AVEN: variants seen among roughly 807,000 people sequenced by gnomAD.
AVEN encodes the protein cell death regulator Aven.
AVEN carries 41 observed loss-of-function variants against 38.1 expected under a neutral mutation model. The observed-to-expected ratio is 1.08, with a 90% CI of 0.84 to 1.40. The LOEUF (loss-of-function observed/expected upper bound fraction) is 1.40. Among genes scored for constraint, AVEN ranks in the 40% most tolerant of loss-of-function variants. The pLI, the probability that AVEN is intolerant of heterozygous loss-of-function variation, is 0.00. For synonymous variants in AVEN, 206 were observed against 171.8 expected (o/e 1.20, Z -1.56); for missense variants, 605 against 438.8 (o/e 1.38, Z -3.38).
chr15:33,866,489 G>C lies in AVEN; in HGVS notation c.*124C>G. On this transcript the variant is annotated 3_prime_UTR_variant, in exon 6 of 6. Transcript: ENST00000306730. ...CACAGAGGTAGGCATTTACTGCTGT[G>C]AGCATAATGGAACACACTAGCTTGA... 1.5e-6 allele frequency: 1 copy of C among 663,044 alleles called. No homozygotes were observed. The highest frequency in any genetic ancestry group is 2.7e-6 in the Non-Finnish European group (1 of 376,552). The allele number at this position is 663,044 out of a possible 1,614,324, so 41.1% of individuals were successfully genotyped here.
chr15:33,998,367 A>T (rs67436900), intron 2 of AVEN, among the ~76,000 whole-genome samples: 31,820 of 152,102 alleles, frequency 0.21, 5,135 homozygotes, highest in African/African-American at 0.45. Flanking sequence ...GGCTGACATC[A>T]GTAATCCCAG....
intron 2 of AVEN, among the ~76,000 whole-genome samples, chr15:33,893,856 C>T (rs1002088612): frequency 6.6e-6 from 1 of 151,976 alleles, no homozygotes; most frequent in African/African-American, 2.4e-5. Context: ...AGAGTGTGGT[C>T]ACGGTGTTCC....
chr15:34,043,059 A>G (rs1050687950), upstream of AVEN, among the ~76,000 whole-genome samples: 9 of 152,036 alleles, frequency 5.9e-5, no homozygotes, highest in Admixed American at 1.3e-4. Flanking sequence ...CATCCTGGCT[A>G]ACACAGTGAA....
downstream of AVEN, among the ~76,000 whole-genome samples, chr15:33,854,049 A>G (rs1448135440): frequency 6.6e-6 from 1 of 152,092 alleles, no homozygotes; most frequent in Admixed American, 6.6e-5. Context: ...TTTAAAAAGT[A>G]GCTAGGCGTG....
downstream of AVEN, chr15:33,864,869 G>A: frequency 1.2e-5 from 5 of 427,240 alleles, no homozygotes; most frequent in Non-Finnish European, 2.1e-5. Flanking sequence ...ATGTTTAGTG[G>A]CAAACATTGA....
intron 2 of AVEN, among the ~76,000 whole-genome samples, chr15:33,961,667 G>C (rs978004460): frequency 1.3e-5 from 2 of 151,580 alleles, no homozygotes; most frequent in Non-Finnish European, 2.9e-5. Context: ...CAAAAAATTA[G>C]CCGGGCGTGG....
intron 2 of AVEN, among the ~76,000 whole-genome samples, chr15:33,961,709 A>C (rs1477882319): frequency 2.1e-5 from 3 of 142,954 alleles, no homozygotes; most frequent in Non-Finnish European, 4.5e-5. Context: ...GCTACTCGGG[A>C]GGCTGAGGCA....
chr15:33,956,991 T>C (rs1222377049), intron 2 of AVEN, among the ~76,000 whole-genome samples: 3 of 152,232 alleles, frequency 2.0e-5, no homozygotes, highest in Non-Finnish European at 4.4e-5. Context: ...GTCTGATATT[T>C]AGAATTTCTG....
At chr15:33,855,639 GATATCTGCATCCAATTAAGAGC>G, downstream of AVEN, among the ~76,000 whole-genome samples, 1 of 16,414 alleles carries the variant, frequency 6.1e-5, no homozygotes, top group South Asian at 3.8e-3. Context: ...CAATATTTCT[GATATCTGCATCCAATTAAGAGC>G]CAATGATTTC....
intron 2 of AVEN, among the ~76,000 whole-genome samples, chr15:33,911,373 T>A (rs933198041): frequency 6.6e-6 from 1 of 152,196 alleles, no homozygotes; most frequent in Non-Finnish European, 1.5e-5. Flanking sequence ...TTCTCATCTG[T>A]GTTTAGCTTT....
At chr15:33,860,692 A>T in intron 11 of AVEN, 1 of 1,422,446 alleles carries the variant, frequency 7.0e-7, no homozygotes, top group South Asian at 1.2e-5. Context: ...TCCCAGCTCT[A>T]TTTTAATATC....
chr15:33,892,259 T>C (rs1406658692), intron 2 of AVEN, among the ~76,000 whole-genome samples: 1 of 152,266 alleles, frequency 6.6e-6, no homozygotes, highest in Non-Finnish European at 1.5e-5. Context: ...TTTTGGCTTT[T>C]GTTGCCATTG....
chr15:34,067,356 T>C (rs1357226125), intron 2 of AVEN: 2 of 152,202 alleles, frequency 1.3e-5, no homozygotes, highest in Non-Finnish European at 2.9e-5. Flanking sequence ...GAATCTCCAG[T>C]TGTCTACTGT....
intron 2 of AVEN, among the ~76,000 whole-genome samples, chr15:33,927,030 G>A (rs987920108): frequency 1.3e-5 from 2 of 152,002 alleles, no homozygotes; most frequent in African/African-American, 2.4e-5. Flanking sequence ...TGAGACAGGC[G>A]GATCACAAGG....
At position 34,063,481 on chromosome 15, in the gene AVEN, G is replaced by T. The variant is rs376737817; in HGVS notation, n.1127-49C>A. 21 of 1,613,638 alleles carry T rather than the reference G, an allele frequency of 1.3e-5. No individual in the cohort carries two copies. The Middle Eastern group carries it at 6.6e-4, about 51-fold the overall frequency. Reference sequence around the variant, plus strand: ...AGGGCTCTGTTCAGATCCTGCTTGCGCTGTCCTCGACCCACCCTGGCCCAG... The same window carrying T: ...AGGGCTCTGTTCAGATCCTGCTTGCTCTGTCCTCGACCCACCCTGGCCCAG... On this transcript the variant is annotated intron_variant and non_coding_transcript_variant, in intron 4 of 11. Coordinates refer to the AVEN transcript ENST00000675287. This position sits in a 1 kb window ranked among gnomAD's most constrained non-coding sequence, Gnocchi z 4.1.
Position 33,868,359 on chromosome 15 carries a change from T to TAAACAAAC in AVEN, c.613-512_613-505dup, listed in dbSNP as rs113504638. On this transcript the variant is annotated intron_variant, in intron 4 of 5. Coordinates refer to ENST00000306730, the MANE Select transcript of AVEN (RefSeq NM_020371.3). ...TAACATGGTGAAACCCTGTCTCTAC[T>TAAACAAAC]AAACAAACAAACAAACAAACAAACA... Among the ~76,000 whole-genome samples, 3,205 of 150,976 alleles carry TAAACAAAC rather than the reference T, an allele frequency of 0.021. 197 individuals carry two copies. In the East Asian group the frequency reaches 0.26, roughly 12 times the overall value.
chr15:34,015,206 G>T (rs146447575), intron 1 of AVEN, among the ~76,000 whole-genome samples: 3 of 152,090 alleles, frequency 2.0e-5, no homozygotes, highest in African/African-American at 7.2e-5. Context: ...AAAATAGGCC[G>T]GGCGCAGTGG....
chr15:33,917,118 G>C (rs1893168016), intron 2 of AVEN, among the ~76,000 whole-genome samples: 1 of 151,904 alleles, frequency 6.6e-6, no homozygotes, highest in Non-Finnish European at 1.5e-5. Context: ...ATTTGGGTGG[G>C]GACACAGTCA....
Position 34,055,807 on chromosome 15 carries a change from T to C in AVEN, n.1637+7115A>G, listed in dbSNP as rs147493650. Among the ~76,000 whole-genome samples, 747 of 151,962 alleles carry C rather than the reference T, an allele frequency of 4.9e-3. 8 individuals carry two copies. The highest frequency in any genetic ancestry group is 0.017 in the African/African-American group (708 of 41,450). ...CGGAGCAAGACTCTGTCACAAAAAATAAATAAATAAATAAATAAAAATAAA... is the reference window on the plus strand; with the variant it reads ...CGGAGCAAGACTCTGTCACAAAAAACAAATAAATAAATAAATAAAAATAAA... On this transcript the variant is annotated intron_variant and non_coding_transcript_variant, in intron 5 of 11. Transcript: ENST00000675287.
Sources: gnomAD v4.1 joint callset for allele counts (sites outside exome capture counted in the v4.1 genomes callset) on GRCh38, gnomAD v4.1.1 for gene constraint, Gnocchi (gnomAD v3.1) non-coding constraint, MANE v1.5 for transcripts, NCBI Gene and HGNC (gene_info 2026-07-23, HGNC 2026-07-21) for gene names.